ABCC4: variants seen among roughly 807,000 people sequenced by gnomAD.
ABCC4 encodes ATP binding cassette subfamily C member 4 (PEL blood group).
A neutral mutation model predicts 168.5 loss-of-function variants in ABCC4; 102 were observed. The ratio of observed to expected loss-of-function variants is 0.61; its 90% CI spans 0.52 to 0.71. The LOEUF is 0.71. Among genes scored for constraint, ABCC4 ranks in the 30% least tolerant of loss-of-function variants. The probability of loss-of-function intolerance (pLI) is 0.00; values close to 1 mark genes in which losing one functional copy is unlikely to be tolerated. For missense variants in ABCC4, 1,402 were observed against 1,605.8 expected (o/e 0.87, Z 2.17); for synonymous variants, 617 against 590.7 (o/e 1.04, Z -0.65).
At chr13:95,225,153 T>TCTCTCA (rs1360466403) in intron 4 of ABCC4, among the ~76,000 whole-genome samples, 5 of 35,224 alleles carry the variant, frequency 1.4e-4, no homozygotes, top group African/African-American at 2.5e-4. Flanking sequence ...TCTCTCTCTC[T>TCTCTCA]CACACACACA....
chr13:95,138,234 G>A (rs2036201868), intron 19 of ABCC4, among the ~76,000 whole-genome samples: 1 of 152,078 alleles, frequency 6.6e-6, no homozygotes, highest in South Asian at 2.1e-4. Context: ...TTATTTATAA[G>A]AAAATAAACC....
At chr13:95,218,694 T>C (rs1220186902) in intron 4 of ABCC4, among the ~76,000 whole-genome samples, 2 of 151,174 alleles carry the variant, frequency 1.3e-5, no homozygotes, top group African/African-American at 4.9e-5. Flanking sequence ...TACAAAAAAA[T>C]TTAAAAATTA....
At chr13:95,077,916 C>T (rs993629302) in intron 21 of ABCC4, among the ~76,000 whole-genome samples, 2 of 152,026 alleles carry the variant, frequency 1.3e-5, no homozygotes, top group African/African-American at 2.4e-5. Context: ...GTCCACAGTT[C>T]CGTAAGTGAA....
At chr13:95,279,527 G>A (rs1305394004) in intron 1 of ABCC4, among the ~76,000 whole-genome samples, 5 of 152,150 alleles carry the variant, frequency 3.3e-5, no homozygotes, top group South Asian at 4.1e-4. Flanking sequence ...AGTCTCAACC[G>A]GTCCTAGAGT....
intron 29 of ABCC4, among the ~76,000 whole-genome samples, chr13:95,038,589 G>A (rs113799297): frequency 5.3e-5 from 8 of 152,162 alleles, no homozygotes; most frequent in African/African-American, 1.9e-4. Flanking sequence ...GGGGTGGGAG[G>A]ACCGTGGTCA....
At chr13:95,131,414 C>A (rs1211813) in intron 19 of ABCC4, among the ~76,000 whole-genome samples, 2 of 152,032 alleles carry the variant, frequency 1.3e-5, no homozygotes, top group Non-Finnish European at 2.9e-5. Flanking sequence ...GATCACCTGA[C>A]GTCAGGAATT....
intron 9 of ABCC4, among the ~76,000 whole-genome samples, chr13:95,191,475 T>C (rs547777233): frequency 4.6e-5 from 7 of 152,258 alleles, no homozygotes; most frequent in African/African-American, 1.7e-4. Context: ...AACAACTATT[T>C]CTTTTTTAAA....
intron 1 of ABCC4, among the ~76,000 whole-genome samples, chr13:95,282,422 C>G (rs1215192772): frequency 6.6e-6 from 1 of 152,192 alleles, no homozygotes; most frequent in Non-Finnish European, 1.5e-5. Flanking sequence ...TGACAGGTCT[C>G]AAAGCACTTT....
chr13:95,039,898 G>T (rs1298451385), intron 29 of ABCC4, among the ~76,000 whole-genome samples: 2 of 152,186 alleles, frequency 1.3e-5, no homozygotes, highest in Non-Finnish European at 2.9e-5. Flanking sequence ...CACTATGGCA[G>T]CAAGCAATAC....
intron 25 of ABCC4, among the ~76,000 whole-genome samples, chr13:95,065,133 C>T (rs1159780274): frequency 1.3e-5 from 2 of 152,100 alleles, no homozygotes; most frequent in Non-Finnish European, 2.9e-5. Flanking sequence ...CTAATAAATT[C>T]TTCCCCAAGT....
chr13:95,083,301 A>G lies in ABCC4; in HGVS notation c.2536-11T>C, dbSNP rs1566402387. 6.2e-7 allele frequency: 1 copy of G among 1,611,918 alleles called. No individual in the cohort carries two copies. Among genetic ancestry groups the G allele is most frequent in the South Asian group, 1.1e-5 (1 of 90,864 alleles). ...CACTTGTAGCAATGTCTGAAATAGC[A>G]GAAGTAGATGCAGGTTTTCCTTATC... On this transcript the variant is annotated splice_polypyrimidine_tract_variant and intron_variant, in intron 20 of 30. Transcript: ENST00000645237.
intron 3 of ABCC4, among the ~76,000 whole-genome samples, chr13:95,240,205 C>G (rs193290980): frequency 2.6e-5 from 4 of 152,320 alleles, no homozygotes; most frequent in African/African-American, 7.2e-5. Context: ...AATCTAGACC[C>G]TGGGAATCCG....
rs573940684 is a variant in ABCC4, at chr13:95,253,723, G to A, written c.75-5970C>T. ...CTGCACACTGCACTCCAGCCTGGGC[G>A]ACAGAGCGAGACCCCATCAAAAAAA... is the stretch of plus-strand genomic sequence containing the variant. On this transcript the variant is annotated intron_variant, in intron 1 of 30. Transcript: ENST00000645237. Among the ~76,000 whole-genome samples, 20 of 151,404 alleles carry A rather than the reference G, an allele frequency of 1.3e-4. No homozygotes were observed. In the South Asian group the frequency reaches 3.5e-3, roughly 27 times the overall value.
chr13:95,201,950 C>T (rs2038639900), intron 8 of ABCC4, among the ~76,000 whole-genome samples: 1 of 152,070 alleles, frequency 6.6e-6, no homozygotes, highest in Non-Finnish European at 1.5e-5. Context: ...TCCAGCCTAG[C>T]CGACAGAGTG....
chr13:95,107,363 G>T (rs1594106110), intron 20 of ABCC4, among the ~76,000 whole-genome samples: 1 of 152,138 alleles, frequency 6.6e-6, no homozygotes, highest in Non-Finnish European at 1.5e-5. Context: ...AAATATTTAT[G>T]CTGTGTACTG....
intron 20 of ABCC4, among the ~76,000 whole-genome samples, chr13:95,094,730 G>C (rs972631135): frequency 1.3e-5 from 2 of 152,288 alleles, no homozygotes; most frequent in South Asian, 2.1e-4. Flanking sequence ...AGAGTGAAGA[G>C]ACAACACACA....
At chr13:95,232,156 TG>T (rs2039640049) in intron 4 of ABCC4, among the ~76,000 whole-genome samples, 1 of 151,484 alleles carries the variant, frequency 6.6e-6, no homozygotes, top group Admixed American at 6.6e-5. Flanking sequence ...GTGGTGGTGG[TG>T]ATGATGATGA....
At chr13:95,086,353 A>T (rs2139340202) in intron 20 of ABCC4, among the ~76,000 whole-genome samples, 1 of 152,354 alleles carries the variant, frequency 6.6e-6, no homozygotes, top group South Asian at 2.1e-4. Context: ...GAAGAACCAC[A>T]TTTTAATAAA....
At chr13:95,251,536 A>G (rs970361519) in intron 1 of ABCC4, among the ~76,000 whole-genome samples, 2 of 152,210 alleles carry the variant, frequency 1.3e-5, no homozygotes, top group Non-Finnish European at 2.9e-5. Context: ...TAGTCTATCA[A>G]AGAAGAAAAG....
Sources: allele counts gnomAD v4.1 joint callset (sites outside exome capture counted in the v4.1 genomes callset), GRCh38; gene constraint gnomAD v4.1.1; transcripts MANE v1.5; gene names NCBI Gene and HGNC (gene_info 2026-07-23, HGNC 2026-07-21).